Variants in DYRK4 observed in about 807,000 individuals in gnomAD.
The protein encoded by DYRK4 is dual specificity tyrosine phosphorylation regulated kinase 4, also known as dual specificity tyrosine-phosphorylation-regulated kinase 4.
A neutral mutation model predicts 68.3 loss-of-function variants in DYRK4; 64 were observed. The ratio of observed to expected loss-of-function variants is 0.94; its 90% CI spans 0.77 to 1.15. The LOEUF (loss-of-function observed/expected upper bound fraction) is 1.15, where lower values mean the gene tolerates loss of function less well. DYRK4 is among the 50% of genes most tolerant of loss of function. The pLI is 0.00. For missense variants in DYRK4, 740 were observed against 764.7 expected (o/e 0.97, Z 0.38); for synonymous variants, 274 against 289.9 (o/e 0.95, Z 0.56).
intron 2 of DYRK4, among the ~76,000 whole-genome samples, chr12:4,570,998 G>T (rs551482268): frequency 6.6e-6 from 1 of 152,138 alleles, no homozygotes; most frequent in Non-Finnish European, 1.5e-5. Flanking sequence ...CGTAACTGCC[G>T]GCAGGGGAAA....
At chr12:4,573,965 C>G (rs777486248) in intron 2 of DYRK4, among the ~76,000 whole-genome samples, 3 of 152,138 alleles carry the variant, frequency 2.0e-5, no homozygotes, top group Non-Finnish European at 4.4e-5. Flanking sequence ...GTGGCTCACG[C>G]CTGTAATTCC....
chr12:4,606,218 T>A (rs185100239), intron 11 of DYRK4, among the ~76,000 whole-genome samples: 212 of 152,368 alleles, frequency 1.4e-3, no homozygotes, highest in African/African-American at 4.5e-3. Flanking sequence ...TTAAAAATTT[T>A]AAATTTTACA....
chr12:4,605,024 T>C lies in DYRK4; in HGVS notation c.1237T>C (p.Tyr413His), dbSNP rs750221184. 1.2e-6 allele frequency: 2 copies of C among 1,614,070 alleles called. No individual in the cohort carries two copies. Among genetic ancestry groups the C allele is most frequent in the Non-Finnish European group, 1.7e-6 (2 of 1,179,960 alleles). The part of the protein sequence containing the change: ...WSLGCITAEL[Y>H]TGYPLFPGEN... ...CCTGGGCTGCATCACGGCGGAGTTG[T>C]ACACGGGCTACCCCCTGTTCCCCGG... Residue 413 changes from tyrosine (Y) to histidine (H), a missense_variant, in exon 11 of 15, where the codon TAC (tyrosine) becomes CAC (histidine). Transcript: ENST00000543431.
intron 6 of DYRK4, among the ~76,000 whole-genome samples, chr12:4,594,530 C>T (rs1944994521): frequency 6.6e-6 from 1 of 152,148 alleles, no homozygotes; most frequent in South Asian, 2.1e-4. Context: ...GGCTGGGAAT[C>T]TCCAGTATAA....
chr12:4,613,775 G>GCTCCTTTC lies in DYRK4; in HGVS notation c.*24_*31dup. ...ATGACCTTTGCTGAGGGTATGTCCT[G>GCTCCTTTC]CTCCTTTCCACCAGTGATTTGTATT... On this transcript the variant is annotated 3_prime_UTR_variant, in exon 15 of 15. Transcript: ENST00000543431. This position sits in a 1 kb window ranked among gnomAD's most constrained non-coding sequence, Gnocchi z 4.0. 1.3e-6 allele frequency: 2 copies of GCTCCTTTC among 1,482,854 alleles called. No individual in the cohort carries two copies. Among genetic ancestry groups the GCTCCTTTC allele is most frequent in the Non-Finnish European group, 1.8e-6 (2 of 1,109,540 alleles). 91.9% of individuals were successfully genotyped at this position (1,482,854 alleles called of 1,614,324 possible).
intron 2 of DYRK4, chr12:4,581,019 C>T: frequency 2.7e-6 from 1 of 367,696 alleles, no homozygotes; most frequent in South Asian, 2.1e-5. Context: ...TAAGATGAGC[C>T]AGTGCTTCTA....
intron 2 of DYRK4, among the ~76,000 whole-genome samples, chr12:4,576,612 A>G (rs919190843): frequency 2.6e-5 from 4 of 152,230 alleles, no homozygotes; most frequent in African/African-American, 4.8e-5. Flanking sequence ...AACAAGCTGT[A>G]CCATTCTGCC....
At chr12:4,577,083 G>A (rs1469972169) in intron 2 of DYRK4, among the ~76,000 whole-genome samples, 2 of 152,038 alleles carry the variant, frequency 1.3e-5, no homozygotes, top group Non-Finnish European at 2.9e-5. Flanking sequence ...CTGAACTGAA[G>A]GTCACCTAGA....
intron 2 of DYRK4, among the ~76,000 whole-genome samples, chr12:4,584,500 G>GTGC (rs1268590913): frequency 3.9e-5 from 6 of 151,934 alleles, no homozygotes; most frequent in African/African-American, 1.5e-4. Flanking sequence ...GCAGAGTAGG[G>GTGC]GGCAGGGTGA....
At chr12:4,602,562 C>A (rs754352637) in intron 10 of DYRK4, 117 of 1,274,432 alleles carry the variant, frequency 9.2e-5, no homozygotes, top group South Asian at 4.2e-4. Context: ...AAGCCAACGG[C>A]TCTCCTGTTG....
At chr12:4,606,117 C>G (rs940579804) in intron 11 of DYRK4, among the ~76,000 whole-genome samples, 1 of 152,202 alleles carries the variant, frequency 6.6e-6, no homozygotes, top group Non-Finnish European at 1.5e-5. Context: ...TTGACCAAGA[C>G]TCATGATATG....
intron 6 of DYRK4, among the ~76,000 whole-genome samples, chr12:4,593,422 C>G (rs1317697241): frequency 6.6e-6 from 1 of 152,110 alleles, no homozygotes; most frequent in Admixed American, 6.5e-5. Context: ...GGTTTGCATC[C>G]TGGGTGAGCT....
At chr12:4,588,228 CTTTTT>C (rs563351232) in intron 2 of DYRK4, among the ~76,000 whole-genome samples, 1 of 148,990 alleles carries the variant, frequency 6.7e-6, no homozygotes, top group Non-Finnish European at 1.5e-5. Context: ...CCTGGCCTTA[CTTTTT>C]TTTTTAACTT....
intron 2 of DYRK4, among the ~76,000 whole-genome samples, chr12:4,579,288 A>T (rs549175825): frequency 4.3e-4 from 66 of 152,150 alleles, no homozygotes; most frequent in Non-Finnish European, 7.9e-4. Context: ...GATAATAATA[A>T]TCATGATAAT....
rs538807970 is a variant in DYRK4 at position 4,570,256 on chromosome 12, A to T, written c.132+2208A>T. Among the ~76,000 whole-genome samples the T allele has an allele frequency of 2.9e-4, 44 of 151,808 alleles. No individual in the cohort carries two copies. The East Asian group carries it at 5.4e-3, about 19-fold the overall frequency. ...CCCTGTCTCAAAATAAATAAAATTT[A>T]AAAAAAAAGTCACATTCAAAATTGA... is the stretch of plus-strand genomic sequence containing the variant. On this transcript the variant is annotated intron_variant, in intron 2 of 14. Coordinates refer to ENST00000543431, the MANE Select transcript of DYRK4 (RefSeq NM_001394779.1).
At chr12:4,585,303 G>C (rs752210469) in intron 2 of DYRK4, among the ~76,000 whole-genome samples, 2 of 152,176 alleles carry the variant, frequency 1.3e-5, no homozygotes, top group African/African-American at 2.4e-5. Context: ...CCTCCTTCTA[G>C]AGCCTATTCC....
At chr12:4,569,280 C>T (rs776689810) in intron 2 of DYRK4, among the ~76,000 whole-genome samples, 7 of 152,136 alleles carry the variant, frequency 4.6e-5, no homozygotes, top group East Asian at 3.9e-4. Flanking sequence ...ATAAAAATTA[C>T]TGTAAAATAT....
intron 10 of DYRK4, among the ~76,000 whole-genome samples, chr12:4,600,052 A>G (rs1945063837): frequency 6.6e-6 from 1 of 152,096 alleles, no homozygotes; most frequent in Admixed American, 6.5e-5. Flanking sequence ...AAACTAACTA[A>G]CTGTGTATCT....
At chr12:4,577,040 T>A (rs1452133011) in intron 2 of DYRK4, among the ~76,000 whole-genome samples, 1 of 152,246 alleles carries the variant, frequency 6.6e-6, no homozygotes, top group African/African-American at 2.4e-5. Flanking sequence ...TCCGTCATGA[T>A]CGTGCTTTTT....
Sources: gnomAD v4.1 joint callset for allele counts (sites outside exome capture counted in the v4.1 genomes callset) on GRCh38, gnomAD v4.1.1 for gene constraint, Gnocchi (gnomAD v3.1) non-coding constraint, MANE v1.5 for transcripts, NCBI Gene and HGNC (gene_info 2026-07-23, HGNC 2026-07-21) for gene names.